Variants in BEST1 observed in about 807,000 individuals in gnomAD.
BEST1 encodes the protein bestrophin-1.
A neutral mutation model predicts 63.3 loss-of-function variants in BEST1; 58 were observed. The ratio of observed to expected loss-of-function variants is 0.92; its 90% CI spans 0.74 to 1.14. BEST1 has a LOEUF of 1.14. BEST1 is among the 50% of genes most tolerant of loss of function. BEST1 has a pLI of 0.00. For synonymous variants in BEST1, 283 were observed against 291.6 expected, an observed-to-expected ratio of 0.97 and a Z score of 0.30; for missense variants, 671 against 740.1, an observed-to-expected ratio of 0.91 and a Z score of 1.08.
At chr11:61,959,845 G>C (rs1941862767) in intron 8 of BEST1, 47 bp from the exon 9 acceptor site, 2 of 1,609,660 alleles carry the variant, frequency 1.2e-6, no homozygotes, top group Non-Finnish European at 1.7e-6. Flanking sequence ...ACAAGGTCCT[G>C]CCTGGGATGA....
upstream of BEST1, chr11:61,949,875 C>G (rs1940486577): frequency 6.6e-6 from 1 of 152,360 alleles, no homozygotes; most frequent in Non-Finnish European, 1.5e-5. Context: ...GGTCACCACA[C>G]ACAGGTGGCA....
In BEST1 at chr11:61,959,796, CAG is replaced by C. The variant is rs578138383; in HGVS notation, c.949-89_949-88del. On this transcript the variant is annotated intron_variant, in intron 8 of 10. Transcript: ENST00000378043. Reference sequence around the variant, plus strand: ...TTTCACAGGCAGGGAAACTGAGGTCCAGAGAGAGGGAGAGATTCCTCCAAGTC... The same window carrying C: ...TTTCACAGGCAGGGAAACTGAGGTCCAGAGAGGGAGAGATTCCTCCAAGTC... 2.1e-5 allele frequency: 33 copies of C among 1,541,230 alleles called. No individual in the cohort carries two copies. In the South Asian group the frequency reaches 3.8e-4, roughly 18 times the overall value.
At chr11:61,959,677 TCA>T (rs1451491784) in intron 8 of BEST1, 99 bp downstream of exon 8, 8 of 1,403,096 alleles carry the variant, frequency 5.7e-6, no homozygotes, top group Admixed American at 5.4e-5. Flanking sequence ...CAGTGAATGA[TCA>T]ACCCTTCCCC....
At position 61,963,379 on chromosome 11, in the gene BEST1, T is replaced by G. The variant is rs539783627; in HGVS notation, c.1739+486T>G. 2.0e-5 allele frequency: 25 copies of G among 1,253,788 alleles called. No homozygotes were observed. The East Asian group carries it at 7.3e-4, about 37-fold the overall frequency. The allele number at this position is 1,253,788 out of a possible 1,614,324, so 77.7% of individuals were successfully genotyped here. On this transcript the variant is annotated intron_variant, in intron 10 of 10. Coordinates refer to ENST00000378043, the MANE Select transcript of BEST1 (RefSeq NM_004183.4). ...CAGGAACTGCCTCACTCCTAGGAAC[T>G]GGTAGATGGTGAGGTTGAGGGTGTC...
intron 7 of BEST1, 49 bp from the exon 8 acceptor site, chr11:61,959,448 GC>G (rs746503457): frequency 1.3e-6 from 2 of 1,577,920 alleles, no homozygotes; most frequent in South Asian, 2.2e-5. Flanking sequence ...GGGGAAGCTG[GC>G]TTTGAGGAGT....
intron 2 of BEST1, among the ~76,000 whole-genome samples, chr11:61,953,729 A>G (rs1363547069): frequency 6.6e-6 from 1 of 152,094 alleles, no homozygotes; most frequent in Non-Finnish European, 1.5e-5. Context: ...TAAAAATCAA[A>G]AAATGATCTG....
In BEST1 at chr11:61,959,909, GGATGA is replaced by G; in HGVS notation, c.971_975del (p.Glu324AlafsTer15). The G allele has an allele frequency of 6.2e-7, 1 of 1,613,840 alleles. No homozygotes were observed. The highest frequency in any genetic ancestry group is 8.5e-7 in the Non-Finnish European group (1 of 1,179,902). ...GTGACCAGGTGTCCCTGTTGGCTGTGGATGAGATGCACCAGGACCTGCCTCGGATG... is the reference window on the plus strand; with the variant it reads ...GTGACCAGGTGTCCCTGTTGGCTGTGGATGCACCAGGACCTGCCTCGGATG... On this transcript the variant is annotated frameshift_variant, in exon 9 of 11. Transcript: ENST00000378043. LOFTEE classifies it high-confidence loss of function.
chr11:61,955,949 C>A lies in BEST1; in HGVS notation c.479C>A (p.Ala160Glu). The A allele has an allele frequency of 1.3e-6, 2 of 1,546,134 alleles. No homozygotes were observed. Among genetic ancestry groups the A allele is most frequent in the Admixed American group, 3.9e-5 (2 of 50,922 alleles). The change falls in exon 4 of 11, where the codon GCA becomes GAA. Residue 160 changes from alanine to glutamate, a missense_variant and splice_region_variant. Transcript: ENST00000378043. ...CCCAGCGCCCAGCACCTGGTGCAAG[C>A]AGGTGGGCGGACCGGGAGCAACGGG... ...RFPSAQHLVQ[A>E]GFMTPAEHKQ...
chr11:61,956,723 T>A (rs1941407363), intron 4 of BEST1, 121 bp from the exon 5 acceptor site: 1 of 1,269,918 alleles, frequency 7.9e-7, no homozygotes, highest in Admixed American at 1.7e-5. Context: ...GCTCAGAAAT[T>A]TTTTTGTTGT....
At chr11:61,952,870 G>T (rs1244820691) in intron 2 of BEST1, among the ~76,000 whole-genome samples, 1 of 152,044 alleles carries the variant, frequency 6.6e-6, no homozygotes, top group African/African-American at 2.4e-5. Context: ...CACTTTGAGG[G>T]GCCAAGGTGC....
At chr11:61,952,377 G>C (rs1008332579) in intron 2 of BEST1, among the ~76,000 whole-genome samples, 1 of 151,304 alleles carries the variant, frequency 6.6e-6, no homozygotes, top group Non-Finnish European at 1.5e-5. Context: ...GAACTCCTAG[G>C]CTCAAGCAAT....
upstream of BEST1, chr11:61,950,285 A>C (rs903469094): frequency 1.3e-5 from 2 of 152,848 alleles, no homozygotes; most frequent in Non-Finnish European, 2.9e-5. Context: ...TTAGGGAGTC[A>C]AGTGACGGCG....
In BEST1 at chr11:61,955,093, A is replaced by ACCCCCCCCCCCCCC; in HGVS notation, c.153-9_153-8insCCCCCCCCCCCCCC. The ACCCCCCCCCCCCCC allele has an allele frequency of 1.7e-6, 2 of 1,166,920 alleles. No individual in the cohort carries two copies. 72.3% of individuals were successfully genotyped at this position (1,166,920 alleles called of 1,614,324 possible). ...GCTGCGTCCACACAATTCCACCCCC[A>ACCCCCCCCCCCCCC]CCCCCACCCCCAGGCTGGCCCTCAC... On this transcript the variant is annotated splice_polypyrimidine_tract_variant and intron_variant, in intron 2 of 10. Transcript: ENST00000378043.
intron 1 of BEST1, among the ~76,000 whole-genome samples, 183 bp downstream of exon 1, chr11:61,950,610 C>A (rs899793684): frequency 6.6e-6 from 1 of 152,162 alleles, no homozygotes; most frequent in African/African-American, 2.4e-5. Flanking sequence ...TCAGGCACAG[C>A]CAGCCAGTGT....
intron 10 of BEST1, chr11:61,963,774 C>T: frequency 8.2e-7 from 1 of 1,212,718 alleles, no homozygotes; most frequent in Admixed American, 3.9e-5. Flanking sequence ...GGTGTGGAGG[C>T]AAGTGGATCA....
At chr11:61,964,721 C>T (rs756900543), downstream of BEST1, 12 of 1,597,940 alleles carry the variant, frequency 7.5e-6, no homozygotes, top group Non-Finnish European at 1.0e-5. Flanking sequence ...GAAATTAGCC[C>T]GAGGCTTAGC....
chr11:61,955,274 G>C (rs1221528424), intron 3 of BEST1, 73 bp downstream of exon 3: 2 of 1,608,818 alleles, frequency 1.2e-6, no homozygotes, highest in East Asian at 4.5e-5. Flanking sequence ...GGAGGATCAC[G>C]AGGAGCTGCG....
At chr11:61,955,618 A>C in intron 3 of BEST1, 100 bp from the exon 4 acceptor site, 3 of 1,339,490 alleles carry the variant, frequency 2.2e-6, no homozygotes, top group Admixed American at 2.1e-5. Flanking sequence ...GCCCGCTCGC[A>C]GCAGAAAGCT....
At chr11:61,951,429 G>A (rs906835935) in intron 1 of BEST1, among the ~76,000 whole-genome samples, 6 of 152,074 alleles carry the variant, frequency 3.9e-5, no homozygotes, top group Non-Finnish European at 8.8e-5. Flanking sequence ...GGCTGGTCTC[G>A]AACTCCTGAC....
Sources: gnomAD v4.1 joint callset for allele counts (sites outside exome capture counted in the v4.1 genomes callset) on GRCh38, gnomAD v4.1.1 for gene constraint, MANE v1.5 for transcripts, NCBI Gene and HGNC (gene_info 2026-07-23, HGNC 2026-07-21) for gene names.